The following FRMD4A variants were observed in gnomAD, a reference collection of about 807,000 sequenced individuals.
FRMD4A encodes FERM domain containing 4A.
A neutral mutation model predicts 129.1 loss-of-function variants in FRMD4A; 29 were observed. The ratio of observed to expected loss-of-function variants is 0.22; its 90% confidence interval spans 0.17 to 0.31. The LOEUF is 0.31. FRMD4A is among the 10% of genes least tolerant of loss of function. The pLI, the probability that FRMD4A is intolerant of heterozygous loss-of-function variation, is 1.00. For synonymous variants in FRMD4A, 634 were observed against 571.6 expected (o/e 1.11, Z -1.56); for missense variants, 1,272 against 1,375.8 (o/e 0.92, Z 1.19).
chr10:13,652,685 C>G lies in FRMD4A; in HGVS notation c.3051-711G>C, dbSNP rs935903699. ...TAGGAGCAGACACAGGAACACCGAG[C>G]TGGGGCTCCAGTTTCTCTTATTTTA... is the stretch of plus-strand genomic sequence containing the variant. On this transcript the variant is annotated intron_variant, in intron 23 of 24. Transcript: ENST00000357447. Among the ~76,000 whole-genome samples, 6 of 152,198 alleles carry G rather than the reference C, an allele frequency of 3.9e-5. No individual in the cohort carries two copies. The East Asian group carries it at 1.2e-3, about 29-fold the overall frequency.
At chr10:13,709,289 A>G (rs1421643416) in intron 12 of FRMD4A, among the ~76,000 whole-genome samples, 2 of 152,166 alleles carry the variant, frequency 1.3e-5, no homozygotes, top group East Asian at 3.9e-4. Flanking sequence ...TGGACCTGAC[A>G]CAAGTTACAG....
chr10:13,847,154 G>A (rs1216440369), intron 3 of FRMD4A, among the ~76,000 whole-genome samples: 1 of 152,222 alleles, frequency 6.6e-6, no homozygotes, highest in Non-Finnish European at 1.5e-5. Context: ...ACCCGGGTTG[G>A]AGGAGGAGTA....
At chr10:13,932,659 C>G (rs1387372427) in intron 2 of FRMD4A, among the ~76,000 whole-genome samples, 1 of 152,138 alleles carries the variant, frequency 6.6e-6, no homozygotes, top group Non-Finnish European at 1.5e-5. Context: ...CTTACAGTCT[C>G]TTTGAGTAAG....
intron 2 of FRMD4A, among the ~76,000 whole-genome samples, chr10:14,271,138 C>T (rs1845150033): frequency 6.6e-6 from 1 of 152,130 alleles, no homozygotes; most frequent in Admixed American, 6.5e-5. Flanking sequence ...AGAGTGATGG[C>T]TCACTTATCA....
intron 2 of FRMD4A, among the ~76,000 whole-genome samples, chr10:13,875,352 GA>G (rs1211327244): frequency 1.3e-5 from 2 of 152,164 alleles, no homozygotes; most frequent in African/African-American, 4.8e-5. Flanking sequence ...CAAGCACTTG[GA>G]AAACTGCAAA....
At chr10:14,036,921 G>A (rs1041091866) in intron 2 of FRMD4A, among the ~76,000 whole-genome samples, 1 of 152,108 alleles carries the variant, frequency 6.6e-6, no homozygotes, top group Middle Eastern at 3.2e-3. Context: ...AAACTGAAAA[G>A]CTCTGCTTTT....
intron 2 of FRMD4A, among the ~76,000 whole-genome samples, chr10:14,190,394 C>A (rs190320489): frequency 3.9e-5 from 6 of 152,260 alleles, no homozygotes; most frequent in Non-Finnish European, 7.4e-5. Flanking sequence ...TTTTTAGAGT[C>A]AGGGTCTTGC....
chr10:14,047,772 G>A (rs1460757996), intron 2 of FRMD4A, among the ~76,000 whole-genome samples: 1 of 152,182 alleles, frequency 6.6e-6, no homozygotes. Context: ...ACCCTTTGGG[G>A]TTTTAACCCC....
intron 2 of FRMD4A, among the ~76,000 whole-genome samples, chr10:13,979,312 A>C (rs2095552677): frequency 6.6e-6 from 1 of 152,124 alleles, no homozygotes; most frequent in Non-Finnish European, 1.5e-5. Flanking sequence ...TGCTTGCTTG[A>C]GAAAGGGGTC....
chr10:13,731,194 G>T (rs2090301794), intron 12 of FRMD4A, among the ~76,000 whole-genome samples: 1 of 152,134 alleles, frequency 6.6e-6, no homozygotes, highest in Non-Finnish European at 1.5e-5. Context: ...GAGCTACAAA[G>T]CACTCAAAGG....
intron 2 of FRMD4A, among the ~76,000 whole-genome samples, chr10:13,903,530 A>G (rs781319916): frequency 6.6e-6 from 1 of 152,106 alleles, no homozygotes; most frequent in Non-Finnish European, 1.5e-5. Context: ...GGAGTTTGAG[A>G]CCAGCCTGGG....
At position 13,999,946 on chromosome 10, in the gene FRMD4A, C is replaced by G. The variant is rs560774418; in HGVS notation, c.46-141034G>C. On this transcript the variant is annotated intron_variant, in intron 2 of 24. Coordinates refer to ENST00000357447, the MANE Select transcript of FRMD4A (RefSeq NM_018027.5). Reference sequence around the variant, plus strand: ...TTGAGTTTATAACCACAAAGGTATTCTTTTTGTTCAGGTAGTCAGCATTCA... The same window carrying G: ...TTGAGTTTATAACCACAAAGGTATTGTTTTTGTTCAGGTAGTCAGCATTCA... Among the ~76,000 whole-genome samples the G allele has an allele frequency of 3.8e-4, 58 of 152,290 alleles. 2 individuals are homozygous for G. Among genetic ancestry groups the G allele is most frequent in the South Asian group, 2.5e-3 (12 of 4,820 alleles).
At chr10:14,006,681 T>G (rs1413508629) in intron 2 of FRMD4A, among the ~76,000 whole-genome samples, 4 of 152,144 alleles carry the variant, frequency 2.6e-5, no homozygotes, top group Middle Eastern at 3.2e-3. Context: ...AATAAATATC[T>G]TAATAATAGA....
At chr10:13,910,718 TGTGA>T (rs2094931605) in intron 2 of FRMD4A, among the ~76,000 whole-genome samples, 1 of 152,116 alleles carries the variant, frequency 6.6e-6, no homozygotes, top group Non-Finnish European at 1.5e-5. Flanking sequence ...TCCACAAATA[TGTGA>T]GTGTTTTATT....
At chr10:13,652,084 C>T (rs2081664444) in intron 23 of FRMD4A, 110 bp from the exon 24 acceptor site, 3 of 739,084 alleles carry the variant, frequency 4.1e-6, no homozygotes, top group Non-Finnish European at 5.0e-6. Flanking sequence ...GAAAGGCTTG[C>T]TGATTAGACA....
intron 2 of FRMD4A, among the ~76,000 whole-genome samples, chr10:13,887,475 T>C (rs1283436693): frequency 6.6e-6 from 1 of 151,982 alleles, no homozygotes; most frequent in Non-Finnish European, 1.5e-5. Context: ...GGTGAGGAGA[T>C]CGAGACCATA....
intron 2 of FRMD4A, among the ~76,000 whole-genome samples, chr10:14,014,969 T>C (rs2095693669): frequency 1.0e-5 from 1 of 99,036 alleles, no homozygotes; most frequent in East Asian, 3.1e-4. Context: ...CTTCCTTCCC[T>C]CCCTCCCTTC....
At chr10:14,276,191 G>T (rs1845334375) in intron 2 of FRMD4A, among the ~76,000 whole-genome samples, 1 of 152,134 alleles carries the variant, frequency 6.6e-6, no homozygotes, top group Non-Finnish European at 1.5e-5. Flanking sequence ...AACTTGCAAG[G>T]TCCCTTTTCG....
chr10:14,230,593 A>T (rs1197312008), intron 2 of FRMD4A, among the ~76,000 whole-genome samples: 1 of 152,116 alleles, frequency 6.6e-6, no homozygotes, highest in Non-Finnish European at 1.5e-5. Context: ...TTAATTCCTG[A>T]CGAGAATTTT....
Sources: allele counts gnomAD v4.1 joint callset (sites outside exome capture counted in the v4.1 genomes callset), GRCh38; gene constraint gnomAD v4.1.1; transcripts MANE v1.5; gene names NCBI Gene and HGNC (gene_info 2026-07-23, HGNC 2026-07-21).